The following FSIP2 variants were observed in gnomAD, a reference collection of about 807,000 sequenced individuals.
FSIP2 encodes fibrous sheath interacting protein 2, also known as fibrous sheath-interacting protein 2.
Under a neutral mutation model 510.5 loss-of-function variants are expected in FSIP2, and 367 were observed. The observed-to-expected ratio is 0.72, with a 90% CI of 0.66 to 0.78. The LOEUF (loss-of-function observed/expected upper bound fraction) is 0.78. FSIP2 is among the 30% of genes least tolerant of loss of function. FSIP2 has a pLI of 0.00. For missense variants in FSIP2, 7,594 were observed against 7,901.7 expected, an observed-to-expected ratio of 0.96 and a Z score of 1.48; for synonymous variants, 2,601 against 2,732.2, an observed-to-expected ratio of 0.95 and a Z score of 1.50.
chr2:185,806,601 C>T lies in FSIP2; in HGVS notation c.17295C>T (p.Pro5765=), dbSNP rs1693585214. 3 of 1,608,186 alleles carry T rather than the reference C, an allele frequency of 1.9e-6. No homozygotes were observed. Among genetic ancestry groups the T allele is most frequent in the Non-Finnish European group, 1.7e-6 (2 of 1,177,966 alleles). The change falls in exon 17 of 23, where the codon CCC becomes CCT. Residue 5765 remains proline (P), a synonymous_variant. Transcript: ENST00000424728. ...EKVREEIKSE[P]SKPDDPQNQR... is the part of the protein sequence containing the mutation. ...TAAGAGAGGAGATTAAAAGTGAACCCAGTAAACCAGATGATCCTCAAAACC... is the reference window on the plus strand; with the variant it reads ...TAAGAGAGGAGATTAAAAGTGAACCTAGTAAACCAGATGATCCTCAAAACC...
intron 15 of FSIP2, among the ~76,000 whole-genome samples, chr2:185,787,774 T>C (rs1553498478): frequency 6.6e-6 from 1 of 151,604 alleles, no homozygotes; most frequent in Non-Finnish European, 1.5e-5. Flanking sequence ...TGGCTCCAGC[T>C]CAAACAAATT....
At chr2:185,775,968 T>G (rs1328843634) in intron 13 of FSIP2, among the ~76,000 whole-genome samples, 1 of 152,188 alleles carries the variant, frequency 6.6e-6, no homozygotes, top group Non-Finnish European at 1.5e-5. Context: ...TGGCCAGGTT[T>G]TTATTTAAAA....
chr2:185,797,526 G>C lies in FSIP2; in HGVS notation c.10390G>C (p.Val3464Leu), dbSNP rs1458170049. 2.0e-6 allele frequency: 3 copies of C among 1,493,446 alleles called. No individual in the cohort carries two copies. In the East Asian group the frequency reaches 7.4e-5, roughly 37 times the overall value. 92.5% of individuals were successfully genotyped at this position (1,493,446 alleles called of 1,614,324 possible). ...VTYLKNFETT[V>L]FSEEKMSVST... ...ATATTTGAAGAACTTTGAAACTACA[G>C]GTAAGCAAGAGAGAACGTACCTAAA... The change falls in exon 16 of 23, where the codon GTT becomes CTT. Residue 3464 changes from valine (V) to leucine (L), a missense_variant and splice_region_variant. Val to Leu is a conservative substitution (Grantham distance 32). Transcript: ENST00000424728.
chr2:185,764,624 C>G, intron 13 of FSIP2, 59 bp downstream of exon 13: 2 of 1,149,128 alleles, frequency 1.7e-6, no homozygotes, highest in Non-Finnish European at 2.5e-6. Flanking sequence ...TTTCAACTGA[C>G]ATTTACTGAG....
In FSIP2 at chr2:185,809,252, A is replaced by G. The variant is rs1241939665; in HGVS notation, c.19827+119A>G. ...CATTGTTGTTGGTGTTTCTCAGCCC[A>G]ATAGGAGAATTAGTTGCATCAGTTC... On this transcript the variant is annotated intron_variant, in intron 17 of 22. Coordinates refer to ENST00000424728, the MANE Select transcript of FSIP2 (RefSeq NM_173651.4). 1.5e-5 allele frequency: 17 copies of G among 1,104,850 alleles called. No individual in the cohort carries two copies. In the East Asian group the frequency reaches 4.6e-4, roughly 30 times the overall value. The allele number at this position is 1,104,850 out of a possible 1,614,324, so 68.4% of individuals were successfully genotyped here. A position where few individuals can be genotyped will look rare whatever the true frequency, so the allele number is the denominator to read the frequency against.
intron 6 of FSIP2, 22 bp downstream of exon 6, chr2:185,746,832 A>T: frequency 6.8e-7 from 1 of 1,464,670 alleles, no homozygotes; most frequent in South Asian, 1.3e-5. Context: ...CAACTTTAAA[A>T]TATTAACAGA....
rs372424503 is a variant in FSIP2 at position 185,831,915 on chromosome 2, A to T, written c.20587+33A>T. 2,501 of 1,278,762 alleles carry T rather than the reference A, an allele frequency of 2.0e-3. 7 individuals are homozygous for T. The highest frequency in any genetic ancestry group is 2.4e-3 in the Non-Finnish European group (2,137 of 876,710). The allele number at this position is 1,278,762 out of a possible 1,614,324, so 79.2% of individuals were successfully genotyped here. On this transcript the variant is annotated intron_variant, in intron 22 of 22. Coordinates refer to ENST00000424728, the MANE Select transcript of FSIP2 (RefSeq NM_173651.4). The stretch of plus-strand genomic sequence containing the variant: ...ATGTACTATTTTAACAACTGGTGTA[A>T]TTAAACTGTCAATTGCATCATTTTG...
chr2:185,811,040 TAA>T (rs1337474138), intron 17 of FSIP2, among the ~76,000 whole-genome samples: 1 of 152,050 alleles, frequency 6.6e-6, no homozygotes, highest in Non-Finnish European at 1.5e-5. Flanking sequence ...AAATTTCTCA[TAA>T]ATGAAACATT....
At position 185,764,493 on chromosome 2, in the gene FSIP2, A is replaced by C; in HGVS notation, c.1348-9A>C. 6.6e-7 allele frequency: 1 copy of C among 1,521,638 alleles called. No individual in the cohort carries two copies. Among genetic ancestry groups the C allele is most frequent in the Non-Finnish European group, 8.8e-7 (1 of 1,137,026 alleles). 94.3% of individuals were successfully genotyped at this position (1,521,638 alleles called of 1,614,324 possible). On this transcript the variant is annotated splice_polypyrimidine_tract_variant and intron_variant, in intron 12 of 22. Transcript: ENST00000424728. ...GGATCTATTTGTTTTGCTGTTGTGA[A>C]TTATGTAGAAGGAGACAAATGCTGA...
At chr2:185,829,565 G>T (rs1694071985) in intron 21 of FSIP2, among the ~76,000 whole-genome samples, 1 of 151,966 alleles carries the variant, frequency 6.6e-6, no homozygotes, top group South Asian at 2.1e-4. Flanking sequence ...AGAATCTGGG[G>T]AGAATCCCCA....
rs117752403 is a variant in FSIP2, at chr2:185,780,256, T to C, written c.1412-2449T>C. ...GCTTCAGCCATTTCCTCTTTCTATA[T>C]TGCCTCTCTTCATTTTCGTTATTAT... On this transcript the variant is annotated intron_variant, in intron 13 of 22. Coordinates refer to ENST00000424728, the MANE Select transcript of FSIP2 (RefSeq NM_173651.4). Among the ~76,000 whole-genome samples the C allele has an allele frequency of 1.7e-3, 252 of 152,114 alleles. 2 individuals carry two copies. The East Asian group carries it at 0.033, about 20-fold the overall frequency.
intron 4 of FSIP2, 24 bp from the exon 5 acceptor site, chr2:185,745,405 G>T (rs1395437094): frequency 7.1e-7 from 1 of 1,416,930 alleles, no homozygotes; most frequent in Admixed American, 2.0e-5. Flanking sequence ...TTATATATAT[G>T]TAATACACAC....
Position 185,800,974 on chromosome 2 carries a change from T to A in FSIP2, c.11668T>A (p.Ser3890Thr), listed in dbSNP as rs1202735148. ...IQSSFIKARK[S>T]ELIELGQSKS... Reference sequence around the variant, plus strand: ...GTCTAGTTTCATAAAAGCAAGAAAGTCAGAATTAATAGAATTAGGACAGAG... The same window carrying A: ...GTCTAGTTTCATAAAAGCAAGAAAGACAGAATTAATAGAATTAGGACAGAG... The change falls in exon 17 of 23, where the codon TCA (serine) becomes ACA (threonine). Residue 3890 changes from serine to threonine, a missense_variant. Physicochemically the swap from Ser to Thr is moderately conservative, Grantham distance 58. Transcript: ENST00000424728. The A allele has an allele frequency of 6.5e-7, 1 of 1,528,948 alleles. No homozygotes were observed. Among genetic ancestry groups the A allele is most frequent in the African/African-American group, 1.4e-5 (1 of 72,566 alleles). The allele number at this position is 1,528,948 out of a possible 1,614,324, so 94.7% of individuals were successfully genotyped here.
chr2:185,814,150 A>C (rs17230036), intron 18 of FSIP2, 108 bp downstream of exon 18: 1 of 1,121,916 alleles, frequency 8.9e-7, no homozygotes, highest in Non-Finnish European at 1.3e-6. Flanking sequence ...AATGAATTCA[A>C]TCTCAAGCCT....
chr2:185,781,959 T>G (rs6719591), intron 13 of FSIP2, among the ~76,000 whole-genome samples: 1 of 151,700 alleles, frequency 6.6e-6, no homozygotes, highest in East Asian at 2.0e-4. Context: ...TGCCTCAGCA[T>G]CCCCCAGCAG....
Position 185,791,183 on chromosome 2 carries a change from T to A in FSIP2, c.4047T>A (p.Asp1349Glu). The stretch of plus-strand genomic sequence containing the variant: ...TAGAATCTCTTGTCACGAGTATTGA[T>A]GATGACATTTTGGCGAGTCCATTAT... ...KKLESLVTSI[D>E]DDILASPLLT... is the part of the protein sequence containing the mutation. The change falls in exon 16 of 23, where the codon GAT becomes GAA. Residue 1349 changes from aspartate (D) to glutamate (E), a missense_variant. Coordinates refer to ENST00000424728, the MANE Select transcript of FSIP2 (RefSeq NM_173651.4). The A allele has an allele frequency of 6.5e-7, 1 of 1,533,916 alleles. No homozygotes were observed. Among genetic ancestry groups the A allele is most frequent in the South Asian group, 1.2e-5 (1 of 84,006 alleles).
Position 185,801,829 on chromosome 2 carries a change from A to C in FSIP2, c.12523A>C (p.Asn4175His). The change falls in exon 17 of 23, where the codon AAT becomes CAT. Residue 4175 changes from asparagine to histidine, a missense_variant. Coordinates refer to ENST00000424728, the MANE Select transcript of FSIP2 (RefSeq NM_173651.4). Reference protein sequence around the residue: ...GKKYLMSSDFNEMSTCIINKV... With the variant: ...GKKYLMSSDFHEMSTCIINKV... Reference sequence around the variant, plus strand: ...AAAATATTTAATGAGTTCTGATTTTAATGAAATGTCCACTTGTATAATAAA... The same window carrying C: ...AAAATATTTAATGAGTTCTGATTTTCATGAAATGTCCACTTGTATAATAAA... The C allele has an allele frequency of 6.7e-7, 1 of 1,487,282 alleles. No homozygotes were observed. The highest frequency in any genetic ancestry group is 8.9e-7 in the Non-Finnish European group (1 of 1,122,820). 92.1% of individuals were successfully genotyped at this position (1,487,282 alleles called of 1,614,324 possible). A position where few individuals can be genotyped will look rare whatever the true frequency, so the allele number is the denominator to read the frequency against.
rs1248537866 is a variant in FSIP2 at position 185,801,989 on chromosome 2, T to C, written c.12683T>C (p.Leu4228Pro). 3 of 1,523,556 alleles carry C rather than the reference T, an allele frequency of 2.0e-6. No homozygotes were observed. Among genetic ancestry groups the C allele is most frequent in the Non-Finnish European group, 2.6e-6 (3 of 1,141,596 alleles). The allele number at this position is 1,523,556 out of a possible 1,614,324, so 94.4% of individuals were successfully genotyped here. A position where few individuals can be genotyped will look rare whatever the true frequency, so the allele number is the denominator to read the frequency against. ...AATATTTTGCAAATGTCTGACTCTC[T>C]TGTTTCAATACAAAAAAGTATAGTA... Reference protein sequence around the residue: ...YCNILQMSDSLVSIQKSIVSR... With the variant: ...YCNILQMSDSPVSIQKSIVSR... Residue 4228 changes from leucine to proline, a missense_variant, in exon 17 of 23, where the codon CTT (leucine) becomes CCT (proline). Transcript: ENST00000424728.
chr2:185,804,595 A>T lies in FSIP2; in HGVS notation c.15289A>T (p.Asn5097Tyr). ...QADNIIRNVL[N>Y]IITKDSHALP... Reference sequence around the variant, plus strand: ...TGATAATATCATCAGAAATGTGCTTAACATAATCACAAAGGATAGCCATGC... The same window carrying T: ...TGATAATATCATCAGAAATGTGCTTTACATAATCACAAAGGATAGCCATGC... The change falls in exon 17 of 23, where the codon AAC becomes TAC. Residue 5097 changes from asparagine to tyrosine, a missense_variant. Coordinates refer to ENST00000424728, the MANE Select transcript of FSIP2 (RefSeq NM_173651.4). The T allele has an allele frequency of 6.5e-7, 1 of 1,533,274 alleles. No individual in the cohort carries two copies. Among genetic ancestry groups the T allele is most frequent in the Non-Finnish European group, 8.7e-7 (1 of 1,144,922 alleles). The allele number at this position is 1,533,274 out of a possible 1,614,324, so 95.0% of individuals were successfully genotyped here.
Sources: allele counts gnomAD v4.1 joint callset (sites outside exome capture counted in the v4.1 genomes callset), GRCh38; gene constraint gnomAD v4.1.1; transcripts MANE v1.5; gene names NCBI Gene and HGNC (gene_info 2026-07-23, HGNC 2026-07-21).